NTRK3: variants seen among roughly 807,000 people sequenced by gnomAD.
The protein encoded by NTRK3 is NT-3 growth factor receptor.
Under a neutral mutation model 91.7 loss-of-function variants are expected in NTRK3, and 24 were observed. That is an observed-to-expected ratio of 0.26 (90% CI 0.19 to 0.37). The LOEUF (loss-of-function observed/expected upper bound fraction) is 0.37, where lower values mean the gene tolerates loss of function less well. Among genes scored for constraint, NTRK3 ranks in the 10% least tolerant of loss-of-function variants. The probability of loss-of-function intolerance (pLI) is 1.00; values close to 1 mark genes in which losing one functional copy is unlikely to be tolerated. For missense variants in NTRK3, 880 were observed against 1,068.9 expected (o/e 0.82, Z 2.46); for synonymous variants, 483 against 404.0 (o/e 1.20, Z -2.34).
At chr15:87,928,773 G>A (rs2068541515) in intron 17 of NTRK3, 1 of 255,754 alleles carries the variant, frequency 3.9e-6, no homozygotes, top group East Asian at 8.1e-5. Flanking sequence ...GATAATTTCA[G>A]AGAATAAAAT....
rs1056729565 is a variant in NTRK3 at position 87,988,311 on chromosome 15, T to C, written c.1585+44546A>G. Among the ~76,000 whole-genome samples, 11 of 152,182 alleles carry C rather than the reference T, an allele frequency of 7.2e-5. No homozygotes were observed. In the South Asian group the frequency reaches 1.4e-3, roughly 20 times the overall value. Reference sequence around the variant, plus strand: ...AAGTCTAAGAAACTGTCAGAGATCATAGAAGGCTAAGAAGACATGATAACT... The same window carrying C: ...AAGTCTAAGAAACTGTCAGAGATCACAGAAGGCTAAGAAGACATGATAACT... On this transcript the variant is annotated intron_variant, in intron 14 of 18. Transcript: ENST00000394480.
intron 13 of NTRK3, among the ~76,000 whole-genome samples, chr15:88,117,601 T>G (rs924593758): frequency 1.3e-5 from 2 of 152,216 alleles, no homozygotes; most frequent in Admixed American, 6.5e-5. Flanking sequence ...AGCTTGGAAT[T>G]TAATGCTGTG....
intron 13 of NTRK3, among the ~76,000 whole-genome samples, chr15:88,070,907 G>A (rs2047039699): frequency 6.6e-6 from 1 of 152,062 alleles, no homozygotes; most frequent in Admixed American, 6.6e-5. Flanking sequence ...AAGATAAAAA[G>A]GAGGAGGAGA....
At chr15:88,146,146 T>C (rs1466726556) in intron 6 of NTRK3, among the ~76,000 whole-genome samples, 1 of 152,202 alleles carries the variant, frequency 6.6e-6, no homozygotes, top group Non-Finnish European at 1.5e-5. Flanking sequence ...AAATCAGTGT[T>C]AGTAGTAAAT....
intron 13 of NTRK3, among the ~76,000 whole-genome samples, chr15:88,106,398 A>G (rs1254218354): frequency 1.3e-5 from 2 of 152,256 alleles, no homozygotes; most frequent in Admixed American, 6.5e-5. Context: ...TTTGCCATGC[A>G]GCCTTGGGGC....
Position 88,135,908 on chromosome 15 carries a change from TGAGGGCA to T in NTRK3, c.891_897del (p.Ala298LeufsTer9). On this transcript the variant is annotated frameshift_variant, in exon 9 of 19. Coordinates refer to ENST00000394480, the Ensembl canonical transcript of NTRK3. LOFTEE classifies it high-confidence loss of function. ...AATAACATGCACTTACAGTAGACAG[TGAGGGCA>T]ACACTGGCATTGCTCATGCCCACCA... The T allele has an allele frequency of 6.2e-7, 1 of 1,614,088 alleles. No homozygotes were observed. The highest frequency in any genetic ancestry group is 8.5e-7 in the Non-Finnish European group (1 of 1,180,000).
chr15:87,939,751 C>G (rs1392201620), intron 15 of NTRK3, among the ~76,000 whole-genome samples: 1 of 152,174 alleles, frequency 6.6e-6, no homozygotes, highest in Non-Finnish European at 1.5e-5. Context: ...CCAATGAAGC[C>G]ACTCCAGACT....
At chr15:87,980,141 G>C (rs2074093944) in intron 14 of NTRK3, among the ~76,000 whole-genome samples, 1 of 152,160 alleles carries the variant, frequency 6.6e-6, no homozygotes, top group South Asian at 2.1e-4. Context: ...AGTAACACTG[G>C]TGGCCCCGAG....
Position 87,888,285 on chromosome 15 carries a change from A to G in NTRK3, c.2134-7857T>C, listed in dbSNP as rs371854680. Among the ~76,000 whole-genome samples, 7 of 152,334 alleles carry G rather than the reference A, an allele frequency of 4.6e-5. No homozygotes were observed. The South Asian group carries it at 1.4e-3, about 32-fold the overall frequency. On this transcript the variant is annotated intron_variant, in intron 17 of 18. Transcript: ENST00000394480. ...TCAGAAAAATGACCACTCCTGGTAC[A>G]CTACGGATCAAGCTGGAGCAGAACG...
At chr15:87,888,782 T>G (rs949909011) in intron 17 of NTRK3, among the ~76,000 whole-genome samples, 1 of 152,172 alleles carries the variant, frequency 6.6e-6, no homozygotes, top group East Asian at 1.9e-4. Context: ...CTTTTTTTTT[T>G]GTCTAAAATT....
At chr15:87,983,963 C>T (rs1344056771) in intron 14 of NTRK3, among the ~76,000 whole-genome samples, 1 of 152,128 alleles carries the variant, frequency 6.6e-6, no homozygotes, top group East Asian at 1.9e-4. Context: ...GCTTCACCCC[C>T]ACCCTCACAA....
In NTRK3 at chr15:88,038,323, A is replaced by C. The variant is rs150119377; in HGVS notation, c.1397-5278T>G. On this transcript the variant is annotated intron_variant, in intron 13 of 18. Coordinates refer to ENST00000394480, the Ensembl canonical transcript of NTRK3. The stretch of plus-strand genomic sequence containing the variant: ...CCCCATTCCCAAGGCCCTCTTACTC[A>C]CCTTTGCTCTTCCATAAACTACATT... Among the ~76,000 whole-genome samples, 462 of 152,200 alleles carry C rather than the reference A, an allele frequency of 3.0e-3. 1 individual carries two copies. The highest frequency in any genetic ancestry group is 0.01 in the African/African-American group (429 of 41,522).
At chr15:88,044,558 G>GCCCACCACACCCGCCCC (rs1346028443) in intron 13 of NTRK3, among the ~76,000 whole-genome samples, 1 of 148,064 alleles carries the variant, frequency 6.8e-6, no homozygotes, top group South Asian at 2.2e-4. Flanking sequence ...ACCACGCCTG[G>GCCCACCACACCCGCCCC]CCCACCACAC....
At chr15:88,175,728 A>C (rs1302650179) in intron 5 of NTRK3, among the ~76,000 whole-genome samples, 1 of 152,212 alleles carries the variant, frequency 6.6e-6, no homozygotes, top group Non-Finnish European at 1.5e-5. Context: ...CATATACATT[A>C]ATTCATTTAA....
At chr15:87,967,748 A>C (rs1596454036) in intron 14 of NTRK3, among the ~76,000 whole-genome samples, 1 of 152,228 alleles carries the variant, frequency 6.6e-6, no homozygotes, top group Admixed American at 6.5e-5. Context: ...CTGTTTTCTT[A>C]TAATAGGTGA....
At chr15:88,209,282 C>T (rs1401318895) in intron 3 of NTRK3, among the ~76,000 whole-genome samples, 2 of 152,172 alleles carry the variant, frequency 1.3e-5, no homozygotes, top group Non-Finnish European at 2.9e-5. Context: ...GATGTTTGGC[C>T]AGCTGTCGGG....
intron 5 of NTRK3, among the ~76,000 whole-genome samples, chr15:88,156,921 A>G (rs539868572): frequency 3.9e-5 from 6 of 152,254 alleles, no homozygotes; most frequent in Admixed American, 3.3e-4. Context: ...CCTAAAACCA[A>G]CCTGAGTTTC....
intron 14 of NTRK3, among the ~76,000 whole-genome samples, chr15:87,998,664 T>A (rs2075880448): frequency 6.6e-6 from 1 of 152,200 alleles, no homozygotes; most frequent in Non-Finnish European, 1.5e-5. Flanking sequence ...TTAATCAGAA[T>A]CTTTCCTGGA....
intron 14 of NTRK3, among the ~76,000 whole-genome samples, chr15:87,992,173 T>C (rs962024735): frequency 2.0e-5 from 3 of 152,198 alleles, no homozygotes; most frequent in Non-Finnish European, 4.4e-5. Flanking sequence ...AGTGCCACTG[T>C]GTGATGCCCA....
Sources: allele counts gnomAD v4.1 joint callset (sites outside exome capture counted in the v4.1 genomes callset), GRCh38; gene constraint gnomAD v4.1.1; transcripts MANE v1.5; gene names NCBI Gene and HGNC (gene_info 2026-07-23, HGNC 2026-07-21).